The following ALB variants were observed in gnomAD, a reference collection of about 807,000 sequenced individuals.
ALB encodes albumin.
ALB carries 37 observed loss-of-function variants against 74.5 expected under a neutral mutation model. The ratio of observed to expected loss-of-function variants is 0.50; its 90% CI spans 0.38 to 0.65. ALB has a LOEUF of 0.65. Among genes scored for constraint, ALB ranks in the 30% least tolerant of loss-of-function variants. The pLI is 0.00. For missense variants in ALB, 685 were observed against 718.7 expected, an observed-to-expected ratio of 0.95 and a Z score of 0.54; for synonymous variants, 249 against 251.6, an observed-to-expected ratio of 0.99 and a Z score of 0.10.
In ALB at chr4:73,421,369, A is replaced by G; in HGVS notation, c.*301A>G. 6.1e-6 allele frequency: 2 copies of G among 329,506 alleles called. No individual in the cohort carries two copies. The highest frequency in any genetic ancestry group is 1.1e-5 in the Non-Finnish European group (2 of 182,244). 20.4% of individuals were successfully genotyped at this position (329,506 alleles called of 1,614,324 possible). On this transcript the variant is annotated 3_prime_UTR_variant, in exon 15 of 15. Transcript: ENST00000295897. ...TATTCCACTTCGGTAGAGGATTTCTAGTTTCTTGTGGGCTAATTAAATAAA... is the reference window on the plus strand; with the variant it reads ...TATTCCACTTCGGTAGAGGATTTCTGGTTTCTTGTGGGCTAATTAAATAAA...
At chr4:73,407,205 T>C (rs1377073763) in intron 3 of ALB, among the ~76,000 whole-genome samples, 1 of 152,162 alleles carries the variant, frequency 6.6e-6, no homozygotes, top group Non-Finnish European at 1.5e-5. Flanking sequence ...TACACTGTTG[T>C]ATAGCTTACT....
intron 9 of ALB, chr4:73,415,393 A>C: frequency 4.0e-6 from 2 of 501,368 alleles, no homozygotes; most frequent in Non-Finnish European, 6.9e-6. Context: ...ATCTCTAAAA[A>C]ATTTTGATCT....
chr4:73,418,144 CAG>C lies in ALB; in HGVS notation c.1488_1489del (p.Arg496SerfsTer23). ...VLHEKTPVSD[R>X]VTKCCTESLV... Reference sequence around the variant, plus strand: ...TGCATGAGAAAACGCCAGTAAGTGACAGAGTCACCAAATGCTGCACAGAATCC... The same window carrying C: ...TGCATGAGAAAACGCCAGTAAGTGACAGTCACCAAATGCTGCACAGAATCC... On this transcript the variant is annotated frameshift_variant, in exon 12 of 15. Coordinates refer to ENST00000295897, the MANE Select transcript of ALB (RefSeq NM_000477.7). LOFTEE classifies it high-confidence loss of function. 3 of 1,614,170 alleles carry C rather than the reference CAG, an allele frequency of 1.9e-6. No homozygotes were observed. The highest frequency in any genetic ancestry group is 2.5e-6 in the Non-Finnish European group (3 of 1,180,024).
chr4:73,421,057 C>G (rs1322427452), intron 14 of ALB, 35 bp from the exon 15 acceptor site: 2 of 671,890 alleles, frequency 3.0e-6, no homozygotes, highest in Non-Finnish European at 5.3e-6. Flanking sequence ...TGCCATTTTA[C>G]AAATAAGACT....
intron 13 of ALB, 66 bp downstream of exon 13, chr4:73,419,705 C>A (rs1421238435): frequency 6.4e-7 from 1 of 1,574,692 alleles, no homozygotes; most frequent in Non-Finnish European, 8.7e-7. Flanking sequence ...TAGGCTAGGG[C>A]TTAGGGATTT....
At chr4:73,405,093 CT>C (rs746113318) in intron 1 of ALB, 22 bp from the exon 2 acceptor site, 25 of 1,605,758 alleles carry the variant, frequency 1.6e-5, no homozygotes, top group Middle Eastern at 1.6e-4. Flanking sequence ...TTTAACAATC[CT>C]TTTTTTTCTT....
intron 10 of ALB, 114 bp downstream of exon 10, chr4:73,416,467 A>G (rs1719017539): frequency 2.5e-6 from 2 of 787,894 alleles, no homozygotes; most frequent in African/African-American, 3.4e-5. Flanking sequence ...CATATTTCTA[A>G]TCACTCTTTG....
chr4:73,413,018 C>G (rs952249354), intron 7 of ALB, among the ~76,000 whole-genome samples: 2 of 152,106 alleles, frequency 1.3e-5, no homozygotes, highest in Non-Finnish European at 2.9e-5. Context: ...TATATGTAAG[C>G]AGGGCCTATG....
chr4:73,417,113 A>G (rs1719031086), intron 10 of ALB, among the ~76,000 whole-genome samples: 1 of 152,214 alleles, frequency 6.6e-6, no homozygotes, highest in South Asian at 2.1e-4. Context: ...ACCATGTCAG[A>G]TTAATTATAA....
rs753375744 is a variant in ALB, at chr4:73,412,137, T to C, written c.843+12T>C. Reference sequence around the variant, plus strand: ...GTGCTGATGACAGGGTAAAGAGTCGTCGATATGCTTTTTGGTAGCTTGCAT... The same window carrying C: ...GTGCTGATGACAGGGTAAAGAGTCGCCGATATGCTTTTTGGTAGCTTGCAT... On this transcript the variant is annotated intron_variant, in intron 7 of 14. Transcript: ENST00000295897. 4 of 1,613,916 alleles carry C rather than the reference T, an allele frequency of 2.5e-6. No individual in the cohort carries two copies. The highest frequency in any genetic ancestry group is 3.4e-6 in the Non-Finnish European group (4 of 1,179,896).
At chr4:73,408,916 A>C (rs1718799817) in intron 4 of ALB, 111 bp downstream of exon 4, 1 of 973,178 alleles carries the variant, frequency 1.0e-6, no homozygotes, top group Admixed American at 2.8e-5. Flanking sequence ...TAAGACTTGG[A>C]AGTTTTGTTA....
rs1201092701 is a variant in ALB at position 73,404,490 on chromosome 4, G to T, written c.79+84G>T. 2.1e-5 allele frequency: 25 copies of T among 1,172,816 alleles called. No homozygotes were observed. The East Asian group carries it at 5.0e-4, about 24-fold the overall frequency. 72.7% of individuals were successfully genotyped at this position (1,172,816 alleles called of 1,614,324 possible). On this transcript the variant is annotated intron_variant, in intron 1 of 14. Coordinates refer to ENST00000295897, the MANE Select transcript of ALB (RefSeq NM_000477.7). ...TTTTAGTAAACTCTGCATCTTTAAA[G>T]AATTATTTTGGCATTTATTTCTAAA...
chr4:73,409,209 G>C (rs1577936404), intron 4 of ALB, 146 bp from the exon 5 acceptor site: 1 of 838,504 alleles, frequency 1.2e-6, no homozygotes, highest in Non-Finnish European at 1.9e-6. Flanking sequence ...GAATGACAGA[G>C]ACAAGACCAT....
At chr4:73,411,054 C>G (rs553549083) in intron 6 of ALB, among the ~76,000 whole-genome samples, 1 of 152,190 alleles carries the variant, frequency 6.6e-6, no homozygotes, top group African/African-American at 2.4e-5. Flanking sequence ...ACTTTAATAG[C>G]CGAGTCAAGA....
At chr4:73,420,417 C>A (rs572239269) in intron 14 of ALB, 96 bp downstream of exon 14, 1 of 763,584 alleles carries the variant, frequency 1.3e-6, no homozygotes. Flanking sequence ...AGACCAGCAC[C>A]GACCACTATT....
At chr4:73,421,039 A>G (rs751654227) in intron 14 of ALB, 53 bp from the exon 15 acceptor site, 380 of 665,990 alleles carry the variant, frequency 5.7e-4, no homozygotes, top group Non-Finnish European at 9.2e-4. Flanking sequence ...ATAGGTTTGA[A>G]AAACACATGC....
At chr4:73,420,418 G>A (rs1719115329) in intron 14 of ALB, 97 bp downstream of exon 14, 6 of 760,252 alleles carry the variant, frequency 7.9e-6, no homozygotes, top group East Asian at 2.7e-5. Flanking sequence ...GACCAGCACC[G>A]ACCACTATTC....
rs1444741954 is a variant in ALB, at chr4:73,419,439, T to C, written c.1653-68T>C. The C allele has an allele frequency of 2.0e-6, 3 of 1,510,750 alleles. No homozygotes were observed. In the African/African-American group the frequency reaches 4.2e-5, roughly 21 times the overall value. The allele number at this position is 1,510,750 out of a possible 1,614,324, so 93.6% of individuals were successfully genotyped here. On this transcript the variant is annotated intron_variant, in intron 12 of 14. Coordinates refer to ENST00000295897, the MANE Select transcript of ALB (RefSeq NM_000477.7). ...AATGATGGGACTACCATCCTTACTC[T>C]CTCCATTTTTCTATACGTGAGTAAT...
chr4:73,407,262 G>A (rs989352262), intron 3 of ALB, among the ~76,000 whole-genome samples: 28 of 151,902 alleles, frequency 1.8e-4, no homozygotes, highest in African/African-American at 6.3e-4. Flanking sequence ...GTAACCCCTC[G>A]TTTCGTCCTC....
Sources: allele counts gnomAD v4.1 joint callset (sites outside exome capture counted in the v4.1 genomes callset), GRCh38; gene constraint gnomAD v4.1.1; transcripts MANE v1.5; gene names NCBI Gene and HGNC (gene_info 2026-07-23, HGNC 2026-07-21).